The following SLC22A24 variants were observed in gnomAD, a reference collection of about 807,000 sequenced individuals.
The protein encoded by SLC22A24 is steroid transmembrane transporter SLC22A24.
A neutral mutation model predicts 49.8 loss-of-function variants in SLC22A24; 53 were observed. That is an observed-to-expected ratio of 1.06 (90% CI 0.85 to 1.34). The LOEUF (loss-of-function observed/expected upper bound fraction) is 1.34, where lower values mean the gene tolerates loss of function less well. Among genes scored for constraint, SLC22A24 ranks in the 40% most tolerant of loss-of-function variants. The probability of loss-of-function intolerance (pLI) is 0.00; values close to 1 mark genes in which losing one functional copy is unlikely to be tolerated. For synonymous variants in SLC22A24, 302 were observed against 256.4 expected (o/e 1.18, Z -1.70); for missense variants, 786 against 675.9 (o/e 1.16, Z -1.81).
chr11:63,116,049 G>A lies in SLC22A24; in HGVS notation c.830+2863C>T, dbSNP rs1459059593. On this transcript the variant is annotated intron_variant, in intron 4 of 9. Coordinates refer to ENST00000612278, the MANE Select transcript of SLC22A24 (RefSeq NM_001136506.2). ...CCCAAGCTTGAGGTGGGCAATGTAG[G>A]CAAGTCAATCGAGCTTGTTGCTGAC... 4 of 342,558 alleles carry A rather than the reference G, an allele frequency of 1.2e-5. No individual in the cohort carries two copies. In the East Asian group the frequency reaches 2.2e-4, roughly 19 times the overall value. 21.2% of individuals were successfully genotyped at this position (342,558 alleles called of 1,614,324 possible). A position where few individuals can be genotyped will look rare whatever the true frequency, so the allele number is the denominator to read the frequency against.
At chr11:63,131,248 CT>C (rs1325800479) in intron 2 of SLC22A24, among the ~76,000 whole-genome samples, 1 of 151,914 alleles carries the variant, frequency 6.6e-6, no homozygotes, top group African/African-American at 2.4e-5. Context: ...CAGTCTGTGT[CT>C]TTTGATTGGG....
chr11:63,082,712 C>T (rs908325150), intron 7 of SLC22A24, among the ~76,000 whole-genome samples: 2 of 152,182 alleles, frequency 1.3e-5, no homozygotes, highest in Non-Finnish European at 2.9e-5. Flanking sequence ...ATTTTTATTT[C>T]AGCAAAGTCA....
At chr11:63,133,081 G>A (rs2134679991) in intron 2 of SLC22A24, among the ~76,000 whole-genome samples, 1 of 152,320 alleles carries the variant, frequency 6.6e-6, no homozygotes, top group Admixed American at 6.5e-5. Context: ...TGGTGCACTA[G>A]CAGTGAGCAA....
intron 1 of SLC22A24, among the ~76,000 whole-genome samples, chr11:63,142,892 T>C (rs988909778): frequency 4.6e-5 from 7 of 152,142 alleles, no homozygotes; most frequent in African/African-American, 1.7e-4. Context: ...ATTTGAGTAG[T>C]AATAAAACTC....
At chr11:63,083,995 C>G (rs2135191678) in intron 6 of SLC22A24, among the ~76,000 whole-genome samples, 1 of 152,246 alleles carries the variant, frequency 6.6e-6, no homozygotes, top group African/African-American at 2.4e-5. Flanking sequence ...ATCTGGCCCA[C>G]AGATTATACA....
rs181938256 is a variant in SLC22A24, at chr11:63,122,242, G to A, written c.507-2907C>T. Among the ~76,000 whole-genome samples, 7 of 152,178 alleles carry A rather than the reference G, an allele frequency of 4.6e-5. No homozygotes were observed. The East Asian group carries it at 1.4e-3, about 29-fold the overall frequency. On this transcript the variant is annotated intron_variant, in intron 2 of 9. Coordinates refer to ENST00000612278, the MANE Select transcript of SLC22A24 (RefSeq NM_001136506.2). ...AGTAATATACGCTAACTCCAGACCTGACCATAAAAGGTCCACTGTAGTCTC... is the reference window on the plus strand; with the variant it reads ...AGTAATATACGCTAACTCCAGACCTAACCATAAAAGGTCCACTGTAGTCTC...
At chr11:63,111,151 T>A (rs951139838) in intron 4 of SLC22A24, among the ~76,000 whole-genome samples, 1 of 152,082 alleles carries the variant, frequency 6.6e-6, no homozygotes, top group African/African-American at 2.4e-5. Context: ...TGGATTACAT[T>A]TATTGATTTG....
intron 1 of SLC22A24, among the ~76,000 whole-genome samples, chr11:63,138,789 T>C (rs542559667): frequency 1.7e-4 from 26 of 152,326 alleles, no homozygotes; most frequent in African/African-American, 6.0e-4. Flanking sequence ...TGTTGGCTTC[T>C]GGAATGATTC....
chr11:63,098,175 A>G (rs939488741), intron 5 of SLC22A24, among the ~76,000 whole-genome samples: 4 of 152,192 alleles, frequency 2.6e-5, no homozygotes, highest in African/African-American at 9.7e-5. Context: ...GAGAAACTTT[A>G]GAAACTATAC....
Position 63,125,016 on chromosome 11 carries a change from A to G in SLC22A24, c.507-5681T>C, listed in dbSNP as rs569122420. 1.9e-4 allele frequency among the ~76,000 whole-genome samples: 29 copies of G among 152,052 alleles called. No individual in the cohort carries two copies. In the East Asian group the frequency reaches 5.6e-3, roughly 30 times the overall value. On this transcript the variant is annotated intron_variant, in intron 2 of 9. Transcript: ENST00000612278. ...ATACCTAATGCTAAATGACGAGTTA[A>G]TGGGTGCAGCACACCAGCATGGCAC...
In SLC22A24 at chr11:63,107,036, T is replaced by A. The variant is rs188031427; in HGVS notation, c.831-2738A>T. On this transcript the variant is annotated intron_variant, in intron 4 of 9. Transcript: ENST00000612278. ...TATGACCTGAATGGTATTGACTAGG[T>A]TTTCTTCTAGGGTTTTTATGGTTTT... Among the ~76,000 whole-genome samples the A allele has an allele frequency of 9.3e-4, 141 of 152,318 alleles. 1 individual carries two copies. Among genetic ancestry groups the A allele is most frequent in the Admixed American group, 4.1e-3 (62 of 15,294 alleles).
intron 6 of SLC22A24, among the ~76,000 whole-genome samples, chr11:63,094,519 T>G (rs1390080563): frequency 1.3e-5 from 2 of 152,190 alleles, no homozygotes; most frequent in African/African-American, 2.4e-5. Context: ...CTGGGTCGAC[T>G]GGTATTTCTA....
At chr11:63,113,541 G>A (rs1014573049) in intron 4 of SLC22A24, among the ~76,000 whole-genome samples, 1 of 151,862 alleles carries the variant, frequency 6.6e-6, no homozygotes, top group African/African-American at 2.4e-5. Flanking sequence ...ATGAAATTCT[G>A]GGGTTGAAAA....
chr11:63,083,127 A>C, intron 7 of SLC22A24, 116 bp downstream of exon 7: 1 of 788,120 alleles, frequency 1.3e-6, no homozygotes, highest in Non-Finnish European at 2.1e-6. Context: ...AACTTCAGGG[A>C]ATCTTTTGGC....
chr11:63,134,091 A>G (rs1358314673), intron 2 of SLC22A24, among the ~76,000 whole-genome samples: 2 of 152,228 alleles, frequency 1.3e-5, no homozygotes, highest in South Asian at 2.1e-4. Context: ...CATCCAGGTT[A>G]GAGGTGCAAT....
intron 2 of SLC22A24, among the ~76,000 whole-genome samples, chr11:63,127,595 A>G (rs548949652): frequency 5.4e-4 from 82 of 152,254 alleles, no homozygotes; most frequent in African/African-American, 1.5e-3. Flanking sequence ...ACTCCCACCA[A>G]CAGTGTAAAA....
At chr11:63,130,417 G>C (rs1440587182) in intron 2 of SLC22A24, among the ~76,000 whole-genome samples, 2 of 152,140 alleles carry the variant, frequency 1.3e-5, no homozygotes, top group African/African-American at 2.4e-5. Flanking sequence ...TGTTCATCAG[G>C]GATGTTGGTC....
chr11:63,104,152 AT>A, intron 5 of SLC22A24, 22 bp downstream of exon 5: 4 of 1,547,126 alleles, frequency 2.6e-6, no homozygotes, highest in Middle Eastern at 1.7e-4. Flanking sequence ...AATCACAGCA[AT>A]CATTTCCCCT....
At chr11:63,127,826 T>G (rs1227756467) in intron 2 of SLC22A24, among the ~76,000 whole-genome samples, 2 of 152,176 alleles carry the variant, frequency 1.3e-5, no homozygotes, top group African/African-American at 4.8e-5. Context: ...GATTTTTTTT[T>G]GTAAATTTGT....
Sources: gnomAD v4.1 joint callset for allele counts (sites outside exome capture counted in the v4.1 genomes callset) on GRCh38, gnomAD v4.1.1 for gene constraint, MANE v1.5 for transcripts, NCBI Gene and HGNC (gene_info 2026-07-23, HGNC 2026-07-21) for gene names.